The following GALNTL6 variants were observed in gnomAD, a reference collection of about 807,000 sequenced individuals.
GALNTL6 encodes the protein polypeptide N-acetylgalactosaminyltransferase like 6.
A neutral mutation model predicts 73.7 loss-of-function variants in GALNTL6; 46 were observed. The ratio of observed to expected loss-of-function variants is 0.62; its 90% CI spans 0.49 to 0.80. The LOEUF (loss-of-function observed/expected upper bound fraction) is 0.80, where lower values mean the gene tolerates loss of function less well. Ranked by LOEUF, GALNTL6 falls within the 30% of genes least tolerant of loss-of-function variation. The probability of loss-of-function intolerance (pLI) is 0.00; values close to 1 mark genes in which losing one functional copy is unlikely to be tolerated. For synonymous variants in GALNTL6, 259 were observed against 263.7 expected (o/e 0.98, Z 0.17); for missense variants, 604 against 755.0 (o/e 0.80, Z 2.34).
intron 7 of GALNTL6, among the ~76,000 whole-genome samples, chr4:172,881,965 C>T (rs565256671): frequency 5.3e-5 from 8 of 150,784 alleles, no homozygotes; most frequent in Admixed American, 1.3e-4. Context: ...TTGTGAGGAT[C>T]GATCAAGGTA....
intron 2 of GALNTL6, chr4:171,815,418 CT>C (rs1734499768): frequency 6.6e-6 from 1 of 152,198 alleles, no homozygotes; most frequent in South Asian, 2.1e-4. Flanking sequence ...TAATATGTAA[CT>C]CATTAGTATG....
chr4:172,823,901 T>C (rs1742079932), intron 7 of GALNTL6, among the ~76,000 whole-genome samples: 1 of 152,144 alleles, frequency 6.6e-6, no homozygotes, highest in African/African-American at 2.4e-5. Context: ...TCTGTCCTTT[T>C]CTAACAAATA....
At chr4:172,403,577 A>G (rs564438894) in intron 5 of GALNTL6, among the ~76,000 whole-genome samples, 1 of 152,216 alleles carries the variant, frequency 6.6e-6, no homozygotes, top group African/African-American at 2.4e-5. Flanking sequence ...TTACACTACA[A>G]TAAAACTGAA....
chr4:171,863,755 G>T (rs1735899185), intron 2 of GALNTL6, among the ~76,000 whole-genome samples: 1 of 151,072 alleles, frequency 6.6e-6, no homozygotes, highest in South Asian at 2.1e-4. Context: ...GAGGAGAAAA[G>T]GAACACTTTT....
At chr4:172,206,547 T>C (rs1433501631) in intron 2 of GALNTL6, among the ~76,000 whole-genome samples, 2 of 151,876 alleles carry the variant, frequency 1.3e-5, no homozygotes, top group African/African-American at 4.8e-5. Flanking sequence ...ACAAAGAAAA[T>C]AAAACAGTGA....
intron 5 of GALNTL6, among the ~76,000 whole-genome samples, chr4:172,450,115 G>T (rs917145958): frequency 6.6e-6 from 1 of 151,860 alleles, no homozygotes; most frequent in East Asian, 1.9e-4. Flanking sequence ...TACTTAGGAG[G>T]CTGAGGCAGG....
At chr4:172,114,329 T>G (rs1186485503) in intron 2 of GALNTL6, among the ~76,000 whole-genome samples, 1 of 152,046 alleles carries the variant, frequency 6.6e-6, no homozygotes, top group African/African-American at 2.4e-5. Context: ...AAAGAAAAAT[T>G]GGGAGTCAAT....
chr4:172,191,817 A>AT (rs1372664558), intron 2 of GALNTL6, among the ~76,000 whole-genome samples: 3 of 152,070 alleles, frequency 2.0e-5, no homozygotes, highest in Admixed American at 2.0e-4. Context: ...CATGGAATTC[A>AT]TTTTTTCACT....
At chr4:172,534,629 C>G (rs1034686756) in intron 5 of GALNTL6, among the ~76,000 whole-genome samples, 3 of 151,924 alleles carry the variant, frequency 2.0e-5, no homozygotes, top group Admixed American at 2.0e-4. Context: ...AGTTCAGTGG[C>G]ATGATCTTGG....
chr4:172,137,630 A>G (rs1033635991), intron 2 of GALNTL6, among the ~76,000 whole-genome samples: 1 of 152,198 alleles, frequency 6.6e-6, no homozygotes, highest in African/African-American at 2.4e-5. Context: ...TTAGAAAACA[A>G]AACAAGAAAA....
rs199826919 is a variant in GALNTL6 at position 172,335,239 on chromosome 4, A to G, written c.387-13284A>G. 8.0e-4 allele frequency among the ~76,000 whole-genome samples: 122 copies of G among 152,282 alleles called. 2 individuals carry two copies. The South Asian group carries it at 0.016, about 19-fold the overall frequency. ...TTTAATTCTGTTTACGTGTTGAATC[A>G]GGTTTATTGATTTGCATATGTTGTA... On this transcript the variant is annotated intron_variant, in intron 4 of 12. Coordinates refer to ENST00000506823, the MANE Select transcript of GALNTL6 (RefSeq NM_001034845.3).
chr4:173,035,766 G>C (rs1753672887), intron 12 of GALNTL6, among the ~76,000 whole-genome samples: 1 of 152,190 alleles, frequency 6.6e-6, no homozygotes, highest in Non-Finnish European at 1.5e-5. Context: ...AGGTACTATT[G>C]CATCAATTTA....
chr4:172,440,662 T>C (rs1000760338), intron 5 of GALNTL6, among the ~76,000 whole-genome samples: 4 of 152,172 alleles, frequency 2.6e-5, no homozygotes, highest in African/African-American at 9.6e-5. Flanking sequence ...TTAAAACGAA[T>C]GTACCACTCT....
rs143809690 is a variant in GALNTL6, at chr4:172,140,728, A to G, written c.139-88928A>G. Among the ~76,000 whole-genome samples, 219 of 152,202 alleles carry G rather than the reference A, an allele frequency of 1.4e-3. 1 individual carries two copies. The highest frequency in any genetic ancestry group is 4.8e-3 in the African/African-American group (201 of 41,570). On this transcript the variant is annotated intron_variant, in intron 2 of 12. Coordinates refer to ENST00000506823, the MANE Select transcript of GALNTL6 (RefSeq NM_001034845.3). ...CCTTCAAATTTTGTATGTATTCACT[A>G]GATTGAATATTTAATACATAAGAAG... is the stretch of plus-strand genomic sequence containing the variant.
chr4:172,523,935 G>C (rs1734867142), intron 5 of GALNTL6, among the ~76,000 whole-genome samples: 1 of 152,132 alleles, frequency 6.6e-6, no homozygotes, highest in South Asian at 2.1e-4. Flanking sequence ...CCCAGGTCAA[G>C]AAATGGGATA....
At chr4:172,328,914 T>G (rs944736148) in intron 4 of GALNTL6, among the ~76,000 whole-genome samples, 4 of 152,216 alleles carry the variant, frequency 2.6e-5, no homozygotes, top group African/African-American at 9.7e-5. Context: ...GTGGAGTTGT[T>G]TGGAGAACAT....
intron 2 of GALNTL6, among the ~76,000 whole-genome samples, chr4:171,819,935 G>T (rs546359770): frequency 2.0e-5 from 3 of 152,180 alleles, no homozygotes; most frequent in Admixed American, 2.0e-4. Flanking sequence ...ATTAAACAAA[G>T]GTGCAAGTGT....
At chr4:172,736,803 T>C (rs1185032480) in intron 5 of GALNTL6, among the ~76,000 whole-genome samples, 1 of 152,228 alleles carries the variant, frequency 6.6e-6, no homozygotes, top group Admixed American at 6.5e-5. Context: ...AGCTGGTCCC[T>C]CCATTCGGGG....
At chr4:171,818,715 G>A (rs535800318) in intron 2 of GALNTL6, among the ~76,000 whole-genome samples, 2 of 151,900 alleles carry the variant, frequency 1.3e-5, no homozygotes, top group Admixed American at 1.3e-4. Context: ...AGTCCTGAGA[G>A]CTCACACCTT....
Sources: allele counts gnomAD v4.1 joint callset (sites outside exome capture counted in the v4.1 genomes callset), GRCh38; gene constraint gnomAD v4.1.1; transcripts MANE v1.5; gene names NCBI Gene and HGNC (gene_info 2026-07-23, HGNC 2026-07-21).